Variants in RALGAPA1 observed in about 807,000 individuals in gnomAD.
RALGAPA1 encodes Ral GTPase activating protein catalytic subunit alpha 1, also known as ral GTPase-activating protein subunit alpha-1.
RALGAPA1 carries 52 observed loss-of-function variants against 269.6 expected under a neutral mutation model. The ratio of observed to expected loss-of-function variants is 0.19; its 90% CI spans 0.15 to 0.24. The LOEUF is 0.24. Among genes scored for constraint, RALGAPA1 ranks in the 10% least tolerant of loss-of-function variants. RALGAPA1 has a pLI of 1.00. For synonymous variants in RALGAPA1, 817 were observed against 1,008.3 expected (o/e 0.81, Z 3.60); for missense variants, 1,917 against 3,013.9 (o/e 0.64, Z 8.52).
At chr14:35,681,904 T>C (rs573891473) in intron 21 of RALGAPA1, among the ~76,000 whole-genome samples, 5 of 152,352 alleles carry the variant, frequency 3.3e-5, no homozygotes, top group Middle Eastern at 3.4e-3. Flanking sequence ...CGTATAATTA[T>C]GGAGTATTTT....
At chr14:35,808,433 C>G (rs1445982187) in intron 1 of RALGAPA1, among the ~76,000 whole-genome samples, 1 of 152,182 alleles carries the variant, frequency 6.6e-6, no homozygotes, top group Non-Finnish European at 1.5e-5. Flanking sequence ...CACCATTATC[C>G]ACAACGCCAG....
chr14:35,733,738 T>C (rs1254687910), intron 12 of RALGAPA1, among the ~76,000 whole-genome samples: 1 of 151,652 alleles, frequency 6.6e-6, no homozygotes, highest in African/African-American at 2.4e-5. Flanking sequence ...CAGAACTAAA[T>C]TAAAACAACA....
At chr14:35,640,003 G>C (rs901183577) in intron 31 of RALGAPA1, among the ~76,000 whole-genome samples, 3 of 150,994 alleles carry the variant, frequency 2.0e-5, no homozygotes, top group Non-Finnish European at 4.4e-5. Context: ...TCAATGAAGA[G>C]ATTAAGAAAA....
intron 35 of RALGAPA1, among the ~76,000 whole-genome samples, chr14:35,625,131 ACAGTGGGAGACTCTGTCTC>A (rs2060910059): frequency 1.4e-5 from 2 of 138,386 alleles, no homozygotes; most frequent in African/African-American, 5.8e-5. Context: ...AGCCTGGGTG[ACAGTGGGAGACTCTGTCTC>A]AAAAAAAAAA....
At chr14:35,650,349 T>C (rs1423642294) in intron 31 of RALGAPA1, among the ~76,000 whole-genome samples, 1 of 152,014 alleles carries the variant, frequency 6.6e-6, no homozygotes, top group African/African-American at 2.4e-5. Context: ...TGTGCCACAG[T>C]ACTCCAGCTT....
At chr14:35,663,734 C>T (rs911533503) in intron 27 of RALGAPA1, among the ~76,000 whole-genome samples, 5 of 151,978 alleles carry the variant, frequency 3.3e-5, no homozygotes, top group South Asian at 4.1e-4. Context: ...GGACTACACG[C>T]GCCCGCCACC....
intron 4 of RALGAPA1, among the ~76,000 whole-genome samples, chr14:35,769,249 G>C (rs186089636): frequency 6.6e-6 from 1 of 151,588 alleles, no homozygotes; most frequent in East Asian, 1.9e-4. Flanking sequence ...GGATGAAAGC[G>C]GATATAGCCA....
chr14:35,541,918 CAG>C (rs2054044551), intron 41 of RALGAPA1: 4 of 649,068 alleles, frequency 6.2e-6, no homozygotes, highest in South Asian at 1.5e-5. Context: ...AACTGAGGAG[CAG>C]AGAGAGAGGA....
At chr14:35,545,206 T>G (rs2054344990) in intron 41 of RALGAPA1, among the ~76,000 whole-genome samples, 1 of 152,166 alleles carries the variant, frequency 6.6e-6, no homozygotes. Flanking sequence ...CTGAGTAGTT[T>G]AAATAACTTT....
intron 40 of RALGAPA1, 95 bp downstream of exon 40, chr14:35,549,015 A>G (rs1393748782): frequency 7.4e-7 from 1 of 1,359,302 alleles, no homozygotes; most frequent in Admixed American, 2.1e-5. Flanking sequence ...TCATATTTCA[A>G]TGATTAGAAT....
intron 9 of RALGAPA1, among the ~76,000 whole-genome samples, chr14:35,749,426 A>G (rs1251298120): frequency 6.6e-6 from 1 of 152,190 alleles, no homozygotes; most frequent in Non-Finnish European, 1.5e-5. Context: ...AGATAGGGAA[A>G]AATTAAGTCT....
At chr14:35,594,167 C>T (rs1462040582) in intron 37 of RALGAPA1, among the ~76,000 whole-genome samples, 1 of 151,944 alleles carries the variant, frequency 6.6e-6, no homozygotes, top group Non-Finnish European at 1.5e-5. Flanking sequence ...AGACATGAAA[C>T]CTAGAAGAGG....
intron 1 of RALGAPA1, among the ~76,000 whole-genome samples, chr14:35,780,325 A>T (rs1280124858): frequency 6.6e-6 from 1 of 152,208 alleles, no homozygotes; most frequent in Admixed American, 6.5e-5. Flanking sequence ...GAATAGAACT[A>T]GACAGAAGGG....
chr14:35,803,532 G>T (rs549733455), intron 1 of RALGAPA1, among the ~76,000 whole-genome samples: 1 of 150,350 alleles, frequency 6.7e-6, no homozygotes, highest in Non-Finnish European at 1.5e-5. Context: ...CTTCTTCAAA[G>T]AAAACTTTAA....
chr14:35,766,952 C>A (rs1349056122), intron 4 of RALGAPA1: 1 of 380,808 alleles, frequency 2.6e-6, no homozygotes, highest in Non-Finnish European at 5.2e-6. Flanking sequence ...CACAGGGCTG[C>A]CGTTTACTGG....
At chr14:35,793,842 A>C (rs899515204) in intron 1 of RALGAPA1, among the ~76,000 whole-genome samples, 14 of 152,298 alleles carry the variant, frequency 9.2e-5, no homozygotes, top group African/African-American at 3.4e-4. Flanking sequence ...TTTTATCATT[A>C]ATTGTTCTAT....
chr14:35,545,240 G>T (rs1029163556), intron 41 of RALGAPA1, among the ~76,000 whole-genome samples: 1 of 151,844 alleles, frequency 6.6e-6, no homozygotes, highest in Non-Finnish European at 1.5e-5. Flanking sequence ...GCTAAAAAAG[G>T]TTACCTAAAG....
At chr14:35,549,341 G>C in intron 39 of RALGAPA1, 107 bp from the exon 40 acceptor site, 1 of 1,123,942 alleles carries the variant, frequency 8.9e-7, no homozygotes, top group Non-Finnish European at 1.2e-6. Flanking sequence ...TTAATAAATA[G>C]AATTATTCAC....
At chr14:35,748,432 T>A in intron 10 of RALGAPA1, 153 bp downstream of exon 10, 2 of 839,868 alleles carry the variant, frequency 2.4e-6, no homozygotes, top group Non-Finnish European at 3.2e-6. Flanking sequence ...CAAAGTGGCC[T>A]CAAACTCCTG....
Sources: allele counts gnomAD v4.1 joint callset (sites outside exome capture counted in the v4.1 genomes callset), GRCh38; gene constraint gnomAD v4.1.1; transcripts MANE v1.5; gene names NCBI Gene and HGNC (gene_info 2026-07-23, HGNC 2026-07-21).